The following RBMS1 variants were observed in gnomAD, a reference collection of about 807,000 sequenced individuals.
The protein encoded by RBMS1 is RNA binding motif single stranded interacting protein 1, also known as RNA-binding motif, single-stranded-interacting protein 1.
A neutral mutation model predicts 62.3 loss-of-function variants in RBMS1; 17 were observed. That is an observed-to-expected ratio of 0.27 (90% CI 0.19 to 0.41). The LOEUF (loss-of-function observed/expected upper bound fraction) is 0.41. RBMS1 is among the 10% of genes least tolerant of loss of function. The pLI is 1.00. For missense variants in RBMS1, 334 were observed against 504.5 expected (o/e 0.66, Z 3.24); for synonymous variants, 172 against 170.0 (o/e 1.01, Z -0.09).
At chr2:160,456,606 A>C (rs1203854789) in intron 1 of RBMS1, among the ~76,000 whole-genome samples, 1 of 152,230 alleles carries the variant, frequency 6.6e-6, no homozygotes, top group East Asian at 1.9e-4. Flanking sequence ...AACATTAGCT[A>C]TCATGCTCTA....
At chr2:160,361,295 G>C (rs1693114555) in intron 2 of RBMS1, among the ~76,000 whole-genome samples, 1 of 152,206 alleles carries the variant, frequency 6.6e-6, no homozygotes, top group African/African-American at 2.4e-5. Context: ...GAGACTCTCA[G>C]ACATTTACTC....
chr2:160,308,946 G>A (rs1218294487), intron 4 of RBMS1, among the ~76,000 whole-genome samples: 1 of 152,138 alleles, frequency 6.6e-6, no homozygotes, highest in African/African-American at 2.4e-5. Flanking sequence ...CATTGAAAAT[G>A]GTGCCTAGGT....
At chr2:160,304,654 A>T (rs1689401292) in intron 4 of RBMS1, among the ~76,000 whole-genome samples, 1 of 152,192 alleles carries the variant, frequency 6.6e-6, no homozygotes, top group Non-Finnish European at 1.5e-5. Context: ...AGTTTTTTAT[A>T]AAAAAGTTTA....
chr2:160,407,696 GCTGA>G (rs1695828417), intron 1 of RBMS1: 7 of 981,812 alleles, frequency 7.1e-6, no homozygotes, highest in Non-Finnish European at 8.4e-6. Flanking sequence ...GCAGCTCCGC[GCTGA>G]CTTCCCCTCC....
At chr2:160,352,591 T>C (rs1692578608) in intron 2 of RBMS1, among the ~76,000 whole-genome samples, 1 of 152,168 alleles carries the variant, frequency 6.6e-6, no homozygotes, top group South Asian at 2.1e-4. Context: ...ATGTATCTCC[T>C]GCTATCTCTT....
At chr2:160,356,577 C>T (rs1305860667) in intron 2 of RBMS1, among the ~76,000 whole-genome samples, 2 of 152,100 alleles carry the variant, frequency 1.3e-5, no homozygotes, top group South Asian at 2.1e-4. Context: ...TCTGGCTCCA[C>T]CATTATCAGC....
intron 2 of RBMS1, among the ~76,000 whole-genome samples, chr2:160,362,238 C>G (rs550512416): frequency 2.6e-5 from 4 of 152,312 alleles, no homozygotes; most frequent in South Asian, 2.1e-4. Flanking sequence ...GTTTTGCTTT[C>G]TTATTCATTT....
At position 160,493,444 on chromosome 2, in the gene RBMS1, C is replaced by CCGGCGGCGGCGGCAG. The variant is rs1160180085; in HGVS notation, c.-96_-82dup. The CCGGCGGCGGCGGCAG allele has an allele frequency of 7.1e-6, 10 of 1,410,462 alleles. No homozygotes were observed. Among genetic ancestry groups the CCGGCGGCGGCGGCAG allele is most frequent in the African/African-American group, 2.9e-5 (2 of 69,820 alleles). 87.4% of individuals were successfully genotyped at this position (1,410,462 alleles called of 1,614,324 possible). On this transcript the variant is annotated 5_prime_UTR_variant, in exon 1 of 14. Transcript: ENST00000348849. ...CTCGGGCTCTCCTGCCTCTCCCTTT[C>CCGGCGGCGGCGGCAG]CGGCGGCGGCGGCAGCGGCGGCGGC...
chr2:160,411,498 C>G (rs1696034814), intron 1 of RBMS1, among the ~76,000 whole-genome samples: 1 of 152,164 alleles, frequency 6.6e-6, no homozygotes, highest in South Asian at 2.1e-4. Context: ...CTTACAACAG[C>G]CCCTCCACAT....
chr2:160,377,309 T>C (rs1694052418), intron 1 of RBMS1, among the ~76,000 whole-genome samples: 1 of 152,216 alleles, frequency 6.6e-6, no homozygotes, highest in Admixed American at 6.5e-5. Context: ...ACTGAACTGA[T>C]ACTTCCCACT....
At chr2:160,316,964 T>C (rs1046728273) in intron 3 of RBMS1, among the ~76,000 whole-genome samples, 2 of 152,206 alleles carry the variant, frequency 1.3e-5, no homozygotes, top group African/African-American at 4.8e-5. Context: ...AAGACTAACC[T>C]TGGAAACTAA....
chr2:160,453,307 G>T (rs1457465370), intron 1 of RBMS1, among the ~76,000 whole-genome samples: 1 of 152,008 alleles, frequency 6.6e-6, no homozygotes, highest in South Asian at 2.1e-4. Context: ...ATAAACTAGA[G>T]ATCTCTAAAA....
At chr2:160,293,657 C>T (rs1688790351) in intron 6 of RBMS1, among the ~76,000 whole-genome samples, 1 of 152,128 alleles carries the variant, frequency 6.6e-6, no homozygotes, top group African/African-American at 2.4e-5. Flanking sequence ...ACACAGTTAG[C>T]CTTTGTCTTT....
chr2:160,449,633 T>G (rs969763118), intron 1 of RBMS1, among the ~76,000 whole-genome samples: 1 of 152,072 alleles, frequency 6.6e-6, no homozygotes, highest in Non-Finnish European at 1.5e-5. Flanking sequence ...GGCAGCATGC[T>G]CCTTAAGAGT....
intron 10 of RBMS1, chr2:160,279,628 T>C (rs1233404855): frequency 1.3e-5 from 2 of 152,246 alleles, no homozygotes; most frequent in African/African-American, 4.8e-5. Context: ...TCTTTATTTT[T>C]GGACTTTTGC....
chr2:160,324,616 T>C (rs764818204), intron 2 of RBMS1, among the ~76,000 whole-genome samples: 2 of 151,834 alleles, frequency 1.3e-5, no homozygotes, highest in African/African-American at 4.8e-5. Flanking sequence ...TATAGAATGA[T>C]AGTTTTCATA....
intron 11 of RBMS1, 54 bp downstream of exon 11, chr2:160,278,494 A>T: frequency 7.0e-7 from 1 of 1,424,616 alleles, no homozygotes; most frequent in Non-Finnish European, 9.8e-7. Flanking sequence ...TACAGGCTGC[A>T]TTAATTTACC....
chr2:160,422,489 A>T (rs1696472846), intron 1 of RBMS1, among the ~76,000 whole-genome samples: 1 of 152,126 alleles, frequency 6.6e-6, no homozygotes, highest in Non-Finnish European at 1.5e-5. Context: ...GCATTATTTC[A>T]TCAATCCCCA....
At chr2:160,418,688 A>C (rs1285695515) in intron 1 of RBMS1, among the ~76,000 whole-genome samples, 1 of 152,112 alleles carries the variant, frequency 6.6e-6, no homozygotes, top group Admixed American at 6.6e-5. Flanking sequence ...AACATGAAAA[A>C]CTGAAACAAA....
Sources: gnomAD v4.1 joint callset for allele counts (sites outside exome capture counted in the v4.1 genomes callset) on GRCh38, gnomAD v4.1.1 for gene constraint, MANE v1.5 for transcripts, NCBI Gene and HGNC (gene_info 2026-07-23, HGNC 2026-07-21) for gene names.